The following SLC25A53 variants were observed in gnomAD, a reference collection of about 807,000 sequenced individuals.
SLC25A53 encodes the protein solute carrier family 25 member 53.
SLC25A53 carries 5 observed loss-of-function variants against 15.0 expected under a neutral mutation model. That is an observed-to-expected ratio of 0.33 (90% CI 0.17 to 0.70). The LOEUF is 0.70. SLC25A53 is among the 30% of genes least tolerant of loss of function. The pLI, the probability that SLC25A53 is intolerant of heterozygous loss-of-function variation, is 0.67. For synonymous variants in SLC25A53, 95 were observed against 100.0 expected, an observed-to-expected ratio of 0.95 and a Z score of 0.30; for missense variants, 216 against 241.6, an observed-to-expected ratio of 0.89 and a Z score of 0.70.
At chrX:104,146,561 C>T (rs1401806775) in intron 1 of SLC25A53, among the ~76,000 whole-genome samples, 6 of 111,862 alleles carry the variant, frequency 5.4e-5, no homozygotes, top group East Asian at 2.8e-4. Context: ...AAAACCCCAT[C>T]GTCTCAGCCC....
chrX:104,126,276 TCCAGTCTGG>T (rs1351834780), intron 1 of SLC25A53, among the ~76,000 whole-genome samples: 5 of 111,291 alleles, frequency 4.5e-5, no homozygotes, highest in Non-Finnish European at 7.5e-5. Flanking sequence ...ATCACTGCAC[TCCAGTCTGG>T]GCAAAAGCAC....
chrX:104,137,712 A>G (rs2075440368), intron 1 of SLC25A53, among the ~76,000 whole-genome samples: 1 of 111,531 alleles, frequency 9.0e-6, no homozygotes, highest in Admixed American at 9.6e-5. Context: ...GGGCTATGCT[A>G]TATGGACCAA....
At chrX:104,110,941 C>T (rs781857585) in intron 1 of SLC25A53, among the ~76,000 whole-genome samples, 66 of 112,854 alleles carry the variant, frequency 5.8e-4, no homozygotes, top group African/African-American at 2.0e-3. Flanking sequence ...GACGTTATGA[C>T]AGACCCATTT....
intron 1 of SLC25A53, among the ~76,000 whole-genome samples, chrX:104,121,290 ACTTGTAT>A (rs2075392111): frequency 8.9e-6 from 1 of 112,466 alleles, no homozygotes; most frequent in Admixed American, 9.4e-5. Flanking sequence ...CCAATTATTT[ACTTGTAT>A]CCATGATTTA....
rs1422592833 is a variant in SLC25A53, at chrX:104,100,855, A to G, written c.*3479T>C. The G allele has an allele frequency of 8.9e-6, 1 of 111,945 alleles. No homozygotes were observed. The highest frequency in any genetic ancestry group is 1.9e-5 in the Non-Finnish European group (1 of 53,248). 9.2% of individuals were successfully genotyped at this position (111,945 alleles called of 1,213,427 possible). A position where few individuals can be genotyped will look rare whatever the true frequency, so the allele number is the denominator to read the frequency against. ...GTCCAGATGTGTGGAGTTTTCCCAC[A>G]CACTAAGTGAGCAATCAGTTCTGCA... On this transcript the variant is annotated 3_prime_UTR_variant, in exon 2 of 2. Transcript: ENST00000594199.
intron 1 of SLC25A53, among the ~76,000 whole-genome samples, chrX:104,140,079 A>G (rs1395683812): frequency 8.9e-6 from 1 of 111,914 alleles, no homozygotes; most frequent in African/African-American, 3.3e-5. Flanking sequence ...GTCTGACATC[A>G]GGTCTTGAAT....
rs781980225 is a variant in SLC25A53, at chrX:104,107,208, C to T, written c.-31-1920G>A. On this transcript the variant is annotated intron_variant, in intron 1 of 1. Transcript: ENST00000594199. Reference sequence around the variant, plus strand: ...TTCTCACAATCTCACTTTACCACCACGCCCCTCCCCTGGAGCCACACTCAC... The same window carrying T: ...TTCTCACAATCTCACTTTACCACCATGCCCCTCCCCTGGAGCCACACTCAC... Among the ~76,000 whole-genome samples the T allele has an allele frequency of 1.1e-4, 12 of 111,852 alleles. No individual in the cohort carries two copies. The South Asian group carries it at 1.9e-3, about 17-fold the overall frequency.
At chrX:104,133,601 C>G (rs1284107827) in intron 1 of SLC25A53, among the ~76,000 whole-genome samples, 2 of 111,781 alleles carry the variant, frequency 1.8e-5, no homozygotes, top group Non-Finnish European at 3.8e-5. Flanking sequence ...CCAGCACACA[C>G]AGAAACCCTA....
chrX:104,114,298 A>T (rs1274350144), intron 1 of SLC25A53: 1 of 1,209,200 alleles, frequency 8.3e-7, no homozygotes, highest in African/African-American at 1.8e-5. Flanking sequence ...AACCTTTGAA[A>T]ACTGGCTGAT....
chrX:104,154,101 G>A (rs782203218), intron 1 of SLC25A53, among the ~76,000 whole-genome samples: 5 of 112,356 alleles, frequency 4.5e-5, no homozygotes, highest in Non-Finnish European at 9.4e-5. Flanking sequence ...TTCTAATAAG[G>A]TGTTAATGTC....
intron 1 of SLC25A53, among the ~76,000 whole-genome samples, chrX:104,142,943 A>AGGC (rs2075455183): frequency 9.3e-6 from 1 of 107,527 alleles, no homozygotes; most frequent in African/African-American, 3.4e-5. Context: ...AAAAAAAAGA[A>AGGC]GGCGGGTGAT....
In SLC25A53 at chrX:104,100,210, G is replaced by A. The variant is rs1291712868; in HGVS notation, c.*4124C>T. The stretch of plus-strand genomic sequence containing the variant: ...ACCATATAATGATTTGTCATAAAAC[G>A]TTATTATTTCAACTTGAGCTTTATA... On this transcript the variant is annotated 3_prime_UTR_variant, in exon 2 of 2. Transcript: ENST00000594199. The A allele has an allele frequency of 2.7e-5, 3 of 111,352 alleles. No homozygotes were observed. Among genetic ancestry groups the A allele is most frequent in the African/African-American group, 9.8e-5 (3 of 30,643 alleles). The allele number at this position is 111,352 out of a possible 1,213,427, so 9.2% of individuals were successfully genotyped here. A position where few individuals can be genotyped will look rare whatever the true frequency, so the allele number is the denominator to read the frequency against.
intron 1 of SLC25A53, among the ~76,000 whole-genome samples, chrX:104,145,786 A>G (rs2147879490): frequency 8.9e-6 from 1 of 112,163 alleles, no homozygotes; most frequent in African/African-American, 3.2e-5. Flanking sequence ...GAATAGACCA[A>G]TAACAGGTTC....
intron 1 of SLC25A53, among the ~76,000 whole-genome samples, chrX:104,148,063 A>G (rs1470338488): frequency 9.0e-6 from 1 of 111,098 alleles, no homozygotes; most frequent in Non-Finnish European, 1.9e-5. Flanking sequence ...AATGTCCAAC[A>G]ATGATAGACT....
intron 1 of SLC25A53, chrX:104,112,372 TC>T (rs1556359206): frequency 8.8e-6 from 1 of 113,592 alleles, no homozygotes; most frequent in East Asian, 2.8e-4. Context: ...CCGTGCCGCC[TC>T]CCGCGCCTGT....
chrX:104,150,960 C>T (rs1478557898), intron 1 of SLC25A53, among the ~76,000 whole-genome samples: 1 of 111,583 alleles, frequency 9.0e-6, no homozygotes, highest in East Asian at 2.8e-4. Context: ...CATAAGAAAA[C>T]TCGTTCCTAG....
At position 104,114,573 on chromosome X, in the gene SLC25A53, G is replaced by A. The variant is rs1556360524; in HGVS notation, c.-31-9285C>T. Reference sequence around the variant, plus strand: ...CCCTTTATGTGATCCGTTTAGAGGTGCAGCTCCAGAATGCTATTCAGGCAG... The same window carrying A: ...CCCTTTATGTGATCCGTTTAGAGGTACAGCTCCAGAATGCTATTCAGGCAG... On this transcript the variant is annotated intron_variant, in intron 1 of 1. Coordinates refer to ENST00000594199, the MANE Select transcript of SLC25A53 (RefSeq NM_001012755.5). The A allele has an allele frequency of 4.1e-6, 5 of 1,210,078 alleles. No individual in the cohort carries two copies. In the East Asian group the frequency reaches 1.5e-4, roughly 36 times the overall value.
intron 1 of SLC25A53, among the ~76,000 whole-genome samples, chrX:104,155,763 A>C (rs1185497337): frequency 1.8e-5 from 2 of 111,134 alleles, no homozygotes; most frequent in Admixed American, 1.9e-4. Context: ...AGTTGTGGGG[A>C]CCGGGCGCGG....
chrX:104,114,925 C>T (rs1556360800), intron 1 of SLC25A53: 1 of 1,198,801 alleles, frequency 8.3e-7, no homozygotes, highest in Non-Finnish European at 1.1e-6. Flanking sequence ...AGATGATACC[C>T]TTGATGACTC....
Sources: allele counts gnomAD v4.1 joint callset (sites outside exome capture counted in the v4.1 genomes callset), GRCh38; gene constraint gnomAD v4.1.1; transcripts MANE v1.5; gene names NCBI Gene and HGNC (gene_info 2026-07-23, HGNC 2026-07-21).